Variants in TMEM161B observed in about 807,000 individuals in gnomAD.
TMEM161B encodes the protein transmembrane protein 161B.
A neutral mutation model predicts 61.8 loss-of-function variants in TMEM161B; 34 were observed. That is an observed-to-expected ratio of 0.55 (90% CI 0.42 to 0.73). The LOEUF is 0.73. Ranked by LOEUF, TMEM161B falls within the 30% of genes least tolerant of loss-of-function variation. TMEM161B has a pLI of 0.00. For missense variants in TMEM161B, 456 were observed against 558.5 expected, an observed-to-expected ratio of 0.82 and a Z score of 1.85; for synonymous variants, 167 against 192.8, an observed-to-expected ratio of 0.87 and a Z score of 1.11.
intron 1 of TMEM161B, among the ~76,000 whole-genome samples, chr5:88,245,970 T>C (rs529843709): frequency 5.3e-5 from 8 of 152,024 alleles, no homozygotes; most frequent in East Asian, 3.9e-4. Flanking sequence ...TTTAGAGACA[T>C]TGTTGAAGAA....
chr5:88,196,618 A>C (rs1749696160), intron 11 of TMEM161B, 130 bp from the exon 12 acceptor site: 2 of 955,384 alleles, frequency 2.1e-6, no homozygotes, highest in East Asian at 5.7e-5. Context: ...TATGTTAAAA[A>C]TAAAGTAAAA....
At chr5:88,247,942 C>T (rs976744083) in intron 1 of TMEM161B, among the ~76,000 whole-genome samples, 22 of 152,094 alleles carry the variant, frequency 1.4e-4, no homozygotes, top group Admixed American at 1.4e-3. Context: ...TGTAAAGGTA[C>T]TGCAACTGTA....
At chr5:88,198,812 T>C in intron 10 of TMEM161B, 164 bp downstream of exon 10, 1 of 658,296 alleles carries the variant, frequency 1.5e-6, no homozygotes, top group South Asian at 2.4e-5. Flanking sequence ...GGCACCAAAA[T>C]CAGATCAAGG....
chr5:88,202,869 T>C (rs1744681787), intron 9 of TMEM161B, 93 bp downstream of exon 9: 1 of 853,786 alleles, frequency 1.2e-6, no homozygotes, highest in Non-Finnish European at 2.0e-6. Flanking sequence ...AAATACAGTG[T>C]CCTGATTTTA....
intron 9 of TMEM161B, chr5:88,201,048 T>C (rs1387677933): frequency 9.2e-6 from 1 of 108,392 alleles, no homozygotes; most frequent in African/African-American, 2.6e-5. Flanking sequence ...CATTTTAGAT[T>C]TTTAACAAAA....
At chr5:88,243,261 C>A (rs551125807) in intron 1 of TMEM161B, among the ~76,000 whole-genome samples, 9 of 151,782 alleles carry the variant, frequency 5.9e-5, no homozygotes, top group African/African-American at 2.2e-4. Flanking sequence ...CTCAAGTAGG[C>A]CCTAGTGTAT....
intron 1 of TMEM161B, among the ~76,000 whole-genome samples, chr5:88,266,876 G>A (rs573423461): frequency 6.6e-6 from 1 of 152,248 alleles, no homozygotes; most frequent in South Asian, 2.1e-4. Context: ...ACTTCCAGAA[G>A]GAAAAGAGCC....
chr5:88,235,605 C>CCAGAGAGA (rs1445338460), intron 2 of TMEM161B, among the ~76,000 whole-genome samples: 2 of 152,142 alleles, frequency 1.3e-5, no homozygotes, highest in African/African-American at 2.4e-5. Context: ...GAGAGAGGGT[C>CCAGAGAGA]CTTACCAGAA....
intron 1 of TMEM161B, among the ~76,000 whole-genome samples, chr5:88,248,346 C>A (rs1753888460): frequency 6.6e-6 from 1 of 152,006 alleles, no homozygotes; most frequent in African/African-American, 2.4e-5. Flanking sequence ...TCTAAACATG[C>A]AAAAACCTGA....
chr5:88,193,790 C>T (rs1300707469), downstream of TMEM161B, among the ~76,000 whole-genome samples: 2 of 152,002 alleles, frequency 1.3e-5, no homozygotes, highest in African/African-American at 4.8e-5. Context: ...TTCCCTAGTC[C>T]AACATGTGAG....
At chr5:88,244,034 C>T (rs1753193386) in intron 1 of TMEM161B, among the ~76,000 whole-genome samples, 1 of 151,894 alleles carries the variant, frequency 6.6e-6, no homozygotes, top group Non-Finnish European at 1.5e-5. Flanking sequence ...GAATATTACA[C>T]CTTTGCCAGA....
intron 5 of TMEM161B, among the ~76,000 whole-genome samples, chr5:88,213,306 TA>T (rs1319987311): frequency 4.6e-5 from 7 of 152,102 alleles, no homozygotes; most frequent in South Asian, 2.1e-4. Context: ...CTTCCAATGT[TA>T]AAAAAAATTT....
chr5:88,196,215 G>C lies in TMEM161B; in HGVS notation c.1460C>G (p.Ala487Gly). 1 of 1,602,868 alleles carries C rather than the reference G, an allele frequency of 6.2e-7. No individual in the cohort carries two copies. Among genetic ancestry groups the C allele is most frequent in the South Asian group, 1.1e-5 (1 of 89,252 alleles). ...GLFYHQYLTV[A>G] is the part of the protein sequence containing the mutation. ...TGCTTTTTTGTTAACTGAGATTCATGCCACAGTCAGATACTGGTGATAGAA... is the reference window on the plus strand; with the variant it reads ...TGCTTTTTTGTTAACTGAGATTCATCCCACAGTCAGATACTGGTGATAGAA... Residue 487 changes from alanine to glycine, a missense_variant, in exon 12 of 12, where the codon GCA (alanine) becomes GGA (glycine). Physicochemically the swap from Ala to Gly is moderately conservative, Grantham distance 60. Coordinates refer to ENST00000296595, the MANE Select transcript of TMEM161B (RefSeq NM_153354.5).
chr5:88,232,005 TTA>T (rs1751068747), intron 2 of TMEM161B, among the ~76,000 whole-genome samples: 1 of 152,218 alleles, frequency 6.6e-6, no homozygotes, highest in Non-Finnish European at 1.5e-5. Context: ...GCATTTTTTT[TTA>T]GTTCTGTGTG....
At chr5:88,230,481 CAT>C (rs1750811496) in intron 2 of TMEM161B, among the ~76,000 whole-genome samples, 1 of 152,150 alleles carries the variant, frequency 6.6e-6, no homozygotes, top group Non-Finnish European at 1.5e-5. Context: ...TCAAGGCCCA[CAT>C]GTGTATGGGG....
chr5:88,207,547 C>T (rs956433229), intron 5 of TMEM161B, among the ~76,000 whole-genome samples: 27 of 152,108 alleles, frequency 1.8e-4, no homozygotes, highest in African/African-American at 6.3e-4. Context: ...AATAATTCAA[C>T]AAGTTAAAAT....
chr5:88,191,284 CT>C (rs1748816754), downstream of TMEM161B, among the ~76,000 whole-genome samples: 1 of 152,170 alleles, frequency 6.6e-6, no homozygotes, highest in African/African-American at 2.4e-5. Flanking sequence ...GTCCTAGACC[CT>C]CCTTCCCCCA....
chr5:88,215,039 G>T (rs1179687492), intron 5 of TMEM161B, among the ~76,000 whole-genome samples: 1 of 152,180 alleles, frequency 6.6e-6, no homozygotes, highest in Non-Finnish European at 1.5e-5. Flanking sequence ...TCACATATCA[G>T]TGAGGGGGGA....
downstream of TMEM161B, among the ~76,000 whole-genome samples, chr5:88,192,085 T>C (rs1303989787): frequency 2.6e-5 from 2 of 76,016 alleles, no homozygotes; most frequent in African/African-American, 9.6e-5. Flanking sequence ...AAAAAAAAAC[T>C]ATAGACAGAA....
Sources: gnomAD v4.1 joint callset for allele counts (sites outside exome capture counted in the v4.1 genomes callset) on GRCh38, gnomAD v4.1.1 for gene constraint, MANE v1.5 for transcripts, NCBI Gene and HGNC (gene_info 2026-07-23, HGNC 2026-07-21) for gene names.